The following TBC1D5 variants were observed in gnomAD, a reference collection of about 807,000 sequenced individuals.
TBC1D5 encodes TBC1 domain family member 5.
A neutral mutation model predicts 100.3 loss-of-function variants in TBC1D5; 75 were observed. The ratio of observed to expected loss-of-function variants is 0.75; its 90% confidence interval spans 0.62 to 0.91. The LOEUF (loss-of-function observed/expected upper bound fraction) is 0.91. Among genes scored for constraint, TBC1D5 ranks in the 40% least tolerant of loss-of-function variants. TBC1D5 has a pLI of 0.00. For missense variants in TBC1D5, 910 were observed against 942.4 expected (o/e 0.97, Z 0.45); for synonymous variants, 323 against 325.6 (o/e 0.99, Z 0.09).
intron 18 of TBC1D5, among the ~76,000 whole-genome samples, chr3:17,205,172 C>T (rs2071991026): frequency 6.6e-6 from 1 of 152,106 alleles, no homozygotes; most frequent in South Asian, 2.1e-4. Context: ...TTAAATGAGA[C>T]TGTATTTTAT....
At chr3:17,270,178 A>T (rs531233023) in intron 15 of TBC1D5, among the ~76,000 whole-genome samples, 1 of 152,280 alleles carries the variant, frequency 6.6e-6, no homozygotes, top group East Asian at 1.9e-4. Flanking sequence ...ACTTTTTAAT[A>T]ATAGTCATCC....
chr3:17,233,644 G>T (rs775246272), intron 17 of TBC1D5, 41 bp downstream of exon 18: 1 of 1,228,978 alleles, frequency 8.1e-7, no homozygotes, highest in South Asian at 1.4e-5. Context: ...TAATACTGTA[G>T]GCAAAGAAAA....
intron 2 of TBC1D5, among the ~76,000 whole-genome samples, chr3:17,554,196 G>C (rs1226233179): frequency 6.6e-6 from 1 of 152,204 alleles, no homozygotes. Context: ...AGGTCATCAA[G>C]AAGAGGTTAT....
chr3:17,265,187 G>T (rs1424577574), intron 15 of TBC1D5, among the ~76,000 whole-genome samples: 17 of 152,078 alleles, frequency 1.1e-4, no homozygotes, highest in Non-Finnish European at 2.2e-4. Flanking sequence ...CCTGCAGTAT[G>T]TCCAAATTAT....
At chr3:17,331,102 T>C (rs2086808735) in intron 13 of TBC1D5, among the ~76,000 whole-genome samples, 2 of 152,180 alleles carry the variant, frequency 1.3e-5, no homozygotes, top group African/African-American at 2.4e-5. Flanking sequence ...TCCCTGCAAT[T>C]AGAATGTGAT....
intron 17 of TBC1D5, among the ~76,000 whole-genome samples, chr3:17,235,626 T>C (rs556616502): frequency 1.6e-4 from 24 of 152,302 alleles, no homozygotes; most frequent in South Asian, 1.2e-3. Context: ...AGTTAATACA[T>C]ATTCTACCAA....
intron 13 of TBC1D5, among the ~76,000 whole-genome samples, chr3:17,333,681 C>G (rs551112809): frequency 1.3e-5 from 2 of 152,054 alleles, no homozygotes; most frequent in East Asian, 3.9e-4. Flanking sequence ...GTTCTATTCT[C>G]AGTGAAACAA....
intron 2 of TBC1D5, among the ~76,000 whole-genome samples, chr3:17,528,634 C>A (rs1022090622): frequency 1.6e-4 from 24 of 152,118 alleles, no homozygotes; most frequent in South Asian, 2.1e-4. Context: ...CCCCCCCATT[C>A]TCTACTTGGG....
chr3:17,429,866 G>C (rs1322993822), intron 3 of TBC1D5, among the ~76,000 whole-genome samples: 1 of 151,758 alleles, frequency 6.6e-6, no homozygotes, highest in Non-Finnish European at 1.5e-5. Flanking sequence ...GACTGAGCCT[G>C]CTTATTAAAC....
At chr3:17,160,999 G>A (rs745432943) in exon 22 of TBC1D5, 16 of 1,614,200 alleles carry the variant, frequency 9.9e-6, no homozygotes, top group Non-Finnish European at 1.3e-5. Flanking sequence ...TGAAGCCAGA[G>A]TCCTTGCTGC....
intron 3 of TBC1D5, among the ~76,000 whole-genome samples, chr3:17,437,586 T>G (rs1575936547): frequency 1.4e-4 from 17 of 124,888 alleles, no homozygotes; most frequent in South Asian, 5.4e-4. Flanking sequence ...GTGTGTGTGG[T>G]GGGATGGAAA....
At chr3:17,386,278 T>G (rs2093150473) in intron 8 of TBC1D5, among the ~76,000 whole-genome samples, 1 of 152,110 alleles carries the variant, frequency 6.6e-6, no homozygotes, top group Non-Finnish European at 1.5e-5. Flanking sequence ...CTTTGGAAAT[T>G]TTCTACACAC....
intron 8 of TBC1D5, among the ~76,000 whole-genome samples, chr3:17,390,268 G>C (rs1262381865): frequency 1.3e-5 from 2 of 152,096 alleles, no homozygotes; most frequent in African/African-American, 4.8e-5. Flanking sequence ...CTGATAGTTG[G>C]AAAGACATTC....
At chr3:17,736,969 C>T (rs1300836764) in intron 1 of TBC1D5, among the ~76,000 whole-genome samples, 4 of 151,784 alleles carry the variant, frequency 2.6e-5, no homozygotes, top group African/African-American at 7.3e-5. Context: ...GTAGAGATCG[C>T]GCCACTGCAC....
intron 10 of TBC1D5, among the ~76,000 whole-genome samples, chr3:17,375,853 C>T (rs1221149857): frequency 1.3e-5 from 2 of 152,116 alleles, no homozygotes; most frequent in Admixed American, 1.3e-4. Flanking sequence ...TGCAAGTTTT[C>T]TGTTTACTGC....
intron 3 of TBC1D5, among the ~76,000 whole-genome samples, chr3:17,467,620 G>A (rs1325064112): frequency 6.6e-6 from 1 of 152,024 alleles, no homozygotes; most frequent in East Asian, 1.9e-4. Context: ...AGGCTCAGTG[G>A]CTCACGCATG....
chr3:17,377,465 G>A (rs1379619585), intron 9 of TBC1D5, among the ~76,000 whole-genome samples: 2 of 152,014 alleles, frequency 1.3e-5, no homozygotes, highest in East Asian at 3.9e-4. Flanking sequence ...ATTTCAGCAA[G>A]TTAAAACAGA....
At chr3:17,556,232 G>T (rs944432034) in intron 2 of TBC1D5, among the ~76,000 whole-genome samples, 2 of 152,136 alleles carry the variant, frequency 1.3e-5, no homozygotes, top group Non-Finnish European at 2.9e-5. Flanking sequence ...TGGCCAAGCT[G>T]GTCGTGAACT....
At chr3:17,483,959 A>G (rs1217186539) in intron 3 of TBC1D5, among the ~76,000 whole-genome samples, 1 of 152,206 alleles carries the variant, frequency 6.6e-6, no homozygotes, top group African/African-American at 2.4e-5. Context: ...GGACATGATA[A>G]CTTTAGGAAA....
Sources: gnomAD v4.1 joint callset for allele counts (sites outside exome capture counted in the v4.1 genomes callset) on GRCh38, gnomAD v4.1.1 for gene constraint, MANE v1.5 for transcripts, NCBI Gene and HGNC (gene_info 2026-07-23, HGNC 2026-07-21) for gene names.